Variants in C5 observed in about 807,000 individuals in gnomAD.
The protein encoded by C5 is C3 and PZP-like alpha-2-macroglobulin domain-containing protein 4.
In C5, 140 loss-of-function variants were observed where a neutral mutation model predicts 218.8. The ratio of observed to expected loss-of-function variants is 0.64; its 90% CI spans 0.56 to 0.74. C5 has a LOEUF of 0.74. Among genes scored for constraint, C5 ranks in the 30% least tolerant of loss-of-function variants. The probability of loss-of-function intolerance (pLI) is 0.00; values close to 1 mark genes in which losing one functional copy is unlikely to be tolerated. For missense variants in C5, 1,700 were observed against 1,969.6 expected (o/e 0.86, Z 2.59); for synonymous variants, 614 against 682.3 (o/e 0.90, Z 1.56).
chr9:121,033,044 ATG>A (rs1451808480), intron 5 of C5, among the ~76,000 whole-genome samples: 5 of 149,724 alleles, frequency 3.3e-5, no homozygotes, highest in Non-Finnish European at 1.5e-5. Context: ...GTGTGTATGT[ATG>A]TATATATGTG....
At chr9:121,074,206 G>A in the C5 span, among the ~76,000 whole-genome samples, 6 of 151,426 alleles carry the variant, frequency 4.0e-5, no homozygotes, top group Non-Finnish European at 7.4e-5. Flanking sequence ...AGTGAAAGGC[G>A]TCAATGGTGA....
chr9:121,056,858 G>T, the C5 span, among the ~76,000 whole-genome samples: 8 of 152,050 alleles, frequency 5.3e-5, no homozygotes, highest in African/African-American at 1.7e-4. Context: ...CCTAGAGAAA[G>T]ATATGAATAT....
In C5 at chr9:120,994,587, C is replaced by T. The variant is rs568023010; in HGVS notation, c.2851+1653G>A. Among the ~76,000 whole-genome samples, 4 of 121,266 alleles carry T rather than the reference C, an allele frequency of 3.3e-5. No homozygotes were observed. In the Admixed American group the frequency reaches 3.7e-4, roughly 11 times the overall value. 79.6% of individuals were successfully genotyped at this position (121,266 alleles called of 152,430 possible). On this transcript the variant is annotated intron_variant, in intron 22 of 40. Coordinates refer to ENST00000223642, the MANE Select transcript of C5 (RefSeq NM_001735.3). Reference sequence around the variant, plus strand: ...AACAGAGTGAGACCCTGTCCCCCCACCCCACAAAAAAAAAATAATAAATAT... The same window carrying T: ...AACAGAGTGAGACCCTGTCCCCCCATCCCACAAAAAAAAAATAATAAATAT...
At chr9:120,989,961 C>CAA (rs537149384) in intron 23 of C5, among the ~76,000 whole-genome samples, 181 bp from the exon 24 acceptor site, 1 of 125,332 alleles carries the variant, frequency 8.0e-6, no homozygotes, top group African/African-American at 3.0e-5. Flanking sequence ...TTGAAAGAAA[C>CAA]AAAAAAAAAA....
At chr9:120,989,838 T>C (rs935733647) in intron 23 of C5, 58 bp from the exon 24 acceptor site, 74 of 1,351,436 alleles carry the variant, frequency 5.5e-5, no homozygotes, top group Non-Finnish European at 7.4e-5. Context: ...TAACAGTATG[T>C]TCTCAAGAGA....
intron 20 of C5, among the ~76,000 whole-genome samples, chr9:121,001,734 C>G (rs1183802029): frequency 6.6e-6 from 1 of 152,048 alleles, no homozygotes; most frequent in Non-Finnish European, 1.5e-5. Context: ...TGTGAGGGAT[C>G]AAGGCTACCT....
In C5 at chr9:121,046,371, T is replaced by C. The variant is rs767534414; in HGVS notation, c.78A>G (p.Ser26=). ...TWGQEQTYVI[S]APKIFRVGAS... ...CTCCAACACGGAATATTTTTGGTGC[T>C]GAAATGACATATCTGTTGAAAAAGG... The change falls in exon 2 of 41, where the codon TCA becomes TCG. Residue 26 remains serine (S), a synonymous_variant. Coordinates refer to ENST00000223642, the MANE Select transcript of C5 (RefSeq NM_001735.3). 2 of 1,610,422 alleles carry C rather than the reference T, an allele frequency of 1.2e-6. No individual in the cohort carries two copies. The highest frequency in any genetic ancestry group is 2.2e-5 in the East Asian group (1 of 44,690).
chr9:120,977,819 G>T (rs2046964559), intron 28 of C5, among the ~76,000 whole-genome samples: 1 of 152,142 alleles, frequency 6.6e-6, no homozygotes, highest in Admixed American at 6.5e-5. Flanking sequence ...CCAGCTTCTA[G>T]TCTTTCTTTT....
chr9:120,962,670 C>T lies in C5; in HGVS notation c.4504+1G>A. On this transcript the variant is annotated splice_donor_variant, in intron 36 of 40. Transcript: ENST00000223642. LOFTEE classifies it high-confidence loss of function. ...AGAAATGTTAGCATGGAGTTGATTACCTGGTCTGTGGTATTCGTACACTGT... is the reference window on the plus strand; with the variant it reads ...AGAAATGTTAGCATGGAGTTGATTATCTGGTCTGTGGTATTCGTACACTGT... The T allele has an allele frequency of 6.3e-7, 1 of 1,593,644 alleles. No homozygotes were observed.
At position 121,034,851 on chromosome 9, in the gene C5, T is replaced by C; in HGVS notation, c.536A>G (p.His179Arg). ...GTCAGGAAAAGAGATAATTCCAATATGATCAATTTCTTCTACCATGTCAAC... is the reference window on the plus strand; with the variant it reads ...GTCAGGAAAAGAGATAATTCCAATACGATCAATTTCTTCTACCATGTCAAC... ...SEVDMVEEID[H>R]IGIISFPDFK... Residue 179 changes from histidine to arginine, a missense_variant, in exon 5 of 41, where the codon CAT becomes CGT. His to Arg is a conservative substitution (Grantham distance 29). Transcript: ENST00000223642. 1 of 1,598,164 alleles carries C rather than the reference T, an allele frequency of 6.3e-7. No homozygotes were observed. Among genetic ancestry groups the C allele is most frequent in the Non-Finnish European group, 8.6e-7 (1 of 1,166,506 alleles).
chr9:121,028,151 C>T (rs2047441467), intron 7 of C5, among the ~76,000 whole-genome samples: 1 of 152,206 alleles, frequency 6.6e-6, no homozygotes. Flanking sequence ...GAGATACCAT[C>T]TCACACCAGT....
At chr9:121,005,896 C>T in intron 20 of C5, 23 bp downstream of exon 20, 1 of 1,610,692 alleles carries the variant, frequency 6.2e-7, no homozygotes, top group Non-Finnish European at 8.5e-7. Flanking sequence ...TCCTTTATCC[C>T]ATAAATATTA....
At chr9:121,023,263 A>G in intron 10 of C5, 141 bp downstream of exon 10, 1 of 727,244 alleles carries the variant, frequency 1.4e-6, no homozygotes, top group Non-Finnish European at 2.5e-6. Context: ...GTCTGTGTCC[A>G]CCAGGAGGGG....
intron 36 of C5, among the ~76,000 whole-genome samples, chr9:120,962,092 C>A (rs968194442): frequency 2.6e-5 from 4 of 152,152 alleles, no homozygotes; most frequent in Non-Finnish European, 5.9e-5. Flanking sequence ...GCTCTCCAAC[C>A]ACATAACATT....
intron 21 of C5, 45 bp from the exon 22 acceptor site, chr9:120,996,345 A>G (rs1156831692): frequency 6.6e-7 from 1 of 1,516,794 alleles, no homozygotes; most frequent in Admixed American, 1.7e-5. Context: ...ATAAGTTTAT[A>G]TAACCTGAAT....
intron 20 of C5, among the ~76,000 whole-genome samples, chr9:121,001,004 AG>A (rs542425542): frequency 6.4e-4 from 97 of 152,356 alleles, no homozygotes; most frequent in Admixed American, 2.1e-3. Context: ...AATGACATAA[AG>A]GAAAAGATCT....
At chr9:120,955,471 G>A (rs2046777579) in intron 39 of C5, among the ~76,000 whole-genome samples, 1 of 152,096 alleles carries the variant, frequency 6.6e-6, no homozygotes, top group African/African-American at 2.4e-5. Flanking sequence ...GGAATGAAAA[G>A]CACTTTGTTA....
chr9:120,983,663 T>C (rs1312313047), intron 25 of C5, among the ~76,000 whole-genome samples: 1 of 152,134 alleles, frequency 6.6e-6, no homozygotes, highest in Non-Finnish European at 1.5e-5. Context: ...ATGCAAAACA[T>C]TAGCCAGATG....
intron 30 of C5, 74 bp from the exon 31 acceptor site, chr9:120,972,066 A>G: frequency 2.3e-6 from 3 of 1,288,040 alleles, no homozygotes; most frequent in Non-Finnish European, 3.4e-6. Context: ...AGCTATGAAA[A>G]GTGGGTTGAC....
Sources: allele counts gnomAD v4.1 joint callset (sites outside exome capture counted in the v4.1 genomes callset), GRCh38; gene constraint gnomAD v4.1.1; transcripts MANE v1.5; gene names NCBI Gene and HGNC (gene_info 2026-07-23, HGNC 2026-07-21).